The following WTAP variants were observed in gnomAD, a reference collection of about 807,000 sequenced individuals.
WTAP encodes WT1 associated protein.
WTAP carries 8 observed loss-of-function variants against 50.0 expected under a neutral mutation model. That is an observed-to-expected ratio of 0.16 (90% CI 0.09 to 0.29). The LOEUF (loss-of-function observed/expected upper bound fraction) is 0.29. Ranked by LOEUF, WTAP falls within the 10% of genes least tolerant of loss-of-function variation. WTAP has a pLI of 1.00. For synonymous variants in WTAP, 194 were observed against 169.0 expected (o/e 1.15, Z -1.15); for missense variants, 295 against 470.7 (o/e 0.63, Z 3.45).
chr6:159,730,197 A>G (rs1415385718), intron 1 of WTAP, among the ~76,000 whole-genome samples: 1 of 152,214 alleles, frequency 6.6e-6, no homozygotes, highest in African/African-American at 2.4e-5. Flanking sequence ...AGTCATTTTC[A>G]TCCTGGAAAA....
chr6:159,743,594 T>TA, intron 4 of WTAP, 71 bp from the exon 5 acceptor site: 2 of 1,414,502 alleles, frequency 1.4e-6, no homozygotes, highest in East Asian at 2.4e-5. Context: ...CCCTAGTTCT[T>TA]ATTGTTCTTG....
upstream of WTAP, chr6:159,727,366 GGGGAGGCTGGC>G: frequency 8.2e-7 from 1 of 1,223,682 alleles, no homozygotes; most frequent in Non-Finnish European, 1.1e-6. Flanking sequence ...ATGGCGGAGC[GGGGAGGCTGGC>G]GGGAGGCGGG....
At position 159,755,846 on chromosome 6, in the gene WTAP, C is replaced by A; in HGVS notation, c.*235C>A. 1 of 605,746 alleles carries A rather than the reference C, an allele frequency of 1.7e-6. No homozygotes were observed. The allele number at this position is 605,746 out of a possible 1,614,324, so 37.5% of individuals were successfully genotyped here. ...TAACAGTTAATTACTTTGAATGTTG[C>A]TAAAAGGACATTTTGTGTAGGGTCA... On this transcript the variant is annotated 3_prime_UTR_variant, in exon 8 of 8. Transcript: ENST00000621533.
At chr6:159,741,215 A>G (rs185425457) in intron 3 of WTAP, among the ~76,000 whole-genome samples, 1 of 152,306 alleles carries the variant, frequency 6.6e-6, no homozygotes, top group African/African-American at 2.4e-5. Context: ...CTAGCAGTGT[A>G]TATATTCAGG....
At position 159,755,497 on chromosome 6, in the gene WTAP, T is replaced by C; in HGVS notation, c.1077T>C (p.Ser359=). The change falls in exon 8 of 8, where the codon AGT becomes AGC. Residue 359 remains serine (S), a synonymous_variant. Transcript: ENST00000621533. The part of the protein sequence containing the change: ...LTHQSNDTDS[S]HDPQEEKAVS... ...ACCAATCAAATGACACAGACTCCAG[T>C]CATGACCCTCAAGAGGAGAAAGCAG... 1.2e-6 allele frequency: 2 copies of C among 1,614,114 alleles called. No homozygotes were observed. The highest frequency in any genetic ancestry group is 1.7e-6 in the Non-Finnish European group (2 of 1,180,010).
intron 2 of WTAP, among the ~76,000 whole-genome samples, chr6:159,737,014 A>T (rs114427194): frequency 0.012 from 1,785 of 152,316 alleles, 30 homozygotes; most frequent in African/African-American, 0.04. Context: ...ATGCTTTCAT[A>T]ATCTGAGAAT....
At chr6:159,739,824 CTTTTTTTTTTTTTTTTTTTT>C (rs56389349) in intron 3 of WTAP, among the ~76,000 whole-genome samples, 2 of 85,158 alleles carry the variant, frequency 2.3e-5, no homozygotes, top group Non-Finnish European at 4.4e-5. Flanking sequence ...CACTTTTTAC[CTTTTTTTTTTTTTTTTTTTT>C]TTTTTTTTTT....
upstream of WTAP, chr6:159,727,380 G>T (rs1013080548): frequency 1.2e-5 from 14 of 1,125,762 alleles, no homozygotes; most frequent in East Asian, 1.9e-4. Context: ...AGGCTGGCGG[G>T]AGGCGGGAGG....
chr6:159,742,167 C>T (rs1286172576), intron 4 of WTAP, 21 bp downstream of exon 4: 1 of 1,570,926 alleles, frequency 6.4e-7, no homozygotes, highest in East Asian at 2.3e-5. Context: ...GTTTTAGCTT[C>T]CTAAAGACTG....
intron 3 of WTAP, 89 bp downstream of exon 3, chr6:159,739,134 T>G: frequency 9.2e-7 from 1 of 1,084,322 alleles, no homozygotes; most frequent in Admixed American, 2.3e-5. Flanking sequence ...CCAGATATTG[T>G]TTTTAATGTT....
At chr6:159,744,758 C>T (rs1030029006) in intron 5 of WTAP, among the ~76,000 whole-genome samples, 1 of 152,150 alleles carries the variant, frequency 6.6e-6, no homozygotes, top group Non-Finnish European at 1.5e-5. Context: ...GCCTCTCTCT[C>T]ATCCAGGCTG....
chr6:159,755,749 GTT>G lies in WTAP; in HGVS notation c.*147_*148del. The G allele has an allele frequency of 6.3e-6, 2 of 317,900 alleles. No homozygotes were observed. The highest frequency in any genetic ancestry group is 8.0e-6 in the Non-Finnish European group (2 of 249,930). 19.7% of individuals were successfully genotyped at this position (317,900 alleles called of 1,614,324 possible). A position where few individuals can be genotyped will look rare whatever the true frequency, so the allele number is the denominator to read the frequency against. On this transcript the variant is annotated 3_prime_UTR_variant, in exon 8 of 8. Transcript: ENST00000621533. ...TTTTTTTTTGTTGTTTTTTTTCTTT[GTT>G]TTTTTTTTCTTTTCTTTTTTTTTTT...
intron 1 of WTAP, among the ~76,000 whole-genome samples, chr6:159,736,043 A>G (rs955715352): frequency 2.6e-5 from 4 of 152,222 alleles, no homozygotes; most frequent in African/African-American, 9.6e-5. Flanking sequence ...ATGTTAACAA[A>G]GGAAGATCTG....
intron 1 of WTAP, among the ~76,000 whole-genome samples, chr6:159,734,219 G>C (rs1469179029): frequency 1.3e-5 from 2 of 151,874 alleles, no homozygotes; most frequent in East Asian, 1.9e-4. Context: ...TTACCACATT[G>C]CCCGGGCTCG....
Position 159,737,409 on chromosome 6 carries a change from C to T in WTAP, c.30+1114C>T, listed in dbSNP as rs541893470. 6.6e-5 allele frequency among the ~76,000 whole-genome samples: 10 copies of T among 152,144 alleles called. No homozygotes were observed. In the South Asian group the frequency reaches 2.1e-3, roughly 32 times the overall value. On this transcript the variant is annotated intron_variant, in intron 2 of 7. Transcript: ENST00000621533. ...TCCATTTTATGGTAATACTATTTTA[C>T]TGGTTAGTATTATAATTTGAAACAT...
chr6:159,734,156 G>C (rs764931506), intron 1 of WTAP, among the ~76,000 whole-genome samples: 1 of 152,136 alleles, frequency 6.6e-6, no homozygotes, highest in Non-Finnish European at 1.5e-5. Flanking sequence ...GAGAAATCAA[G>C]TAGTCTTGGT....
intron 1 of WTAP, among the ~76,000 whole-genome samples, chr6:159,729,356 G>C (rs1258963864): frequency 6.6e-6 from 1 of 152,024 alleles, no homozygotes; most frequent in Non-Finnish European, 1.5e-5. Context: ...TAAATATTTT[G>C]CTTCTTGTAG....
chr6:159,750,903 C>T (rs1354090150), intron 6 of WTAP, among the ~76,000 whole-genome samples: 2 of 152,220 alleles, frequency 1.3e-5, no homozygotes, highest in East Asian at 3.8e-4. Context: ...TGCACGCGCA[C>T]GCACGTGTGT....
intron 4 of WTAP, 79 bp downstream of exon 4, chr6:159,742,225 T>G: frequency 8.0e-7 from 1 of 1,245,956 alleles, no homozygotes; most frequent in Non-Finnish European, 1.1e-6. Flanking sequence ...TTGTTTTTAT[T>G]AAAGCAAATG....
Sources: allele counts gnomAD v4.1 joint callset (sites outside exome capture counted in the v4.1 genomes callset), GRCh38; gene constraint gnomAD v4.1.1; transcripts MANE v1.5; gene names NCBI Gene and HGNC (gene_info 2026-07-23, HGNC 2026-07-21).